CACNA1A: variants seen among roughly 807,000 people sequenced by gnomAD.
CACNA1A encodes voltage-dependent P/Q-type calcium channel subunit alpha-1A.
In CACNA1A, 57 loss-of-function variants were observed where a neutral mutation model predicts 262.4. That is an observed-to-expected ratio of 0.22 (90% CI 0.18 to 0.27). The LOEUF (loss-of-function observed/expected upper bound fraction) is 0.27, where lower values mean the gene tolerates loss of function less well. Ranked by LOEUF, CACNA1A falls within the 10% of genes least tolerant of loss-of-function variation. The pLI is 1.00. For synonymous variants in CACNA1A, 1,431 were observed against 1,419.3 expected (o/e 1.01, Z -0.18); for missense variants, 2,526 against 3,562.8 (o/e 0.71, Z 7.41).
At chr19:13,427,504 C>T (rs1481668579) in intron 3 of CACNA1A, among the ~76,000 whole-genome samples, 2 of 127,066 alleles carry the variant, frequency 1.6e-5, no homozygotes, top group African/African-American at 6.3e-5. Flanking sequence ...AAAGAGTTCC[C>T]CCTATGAGCT....
At chr19:13,260,172 T>C (rs62108599) in intron 26 of CACNA1A, 33,727 of 157,434 alleles carry the variant, frequency 0.21, 3,943 homozygotes, top group African/African-American at 0.3. Flanking sequence ...TTTCAATAAA[T>C]AGCCATCAAG....
At chr19:13,233,806 C>G (rs1305116158) in intron 34 of CACNA1A, among the ~76,000 whole-genome samples, 2 of 152,216 alleles carry the variant, frequency 1.3e-5, no homozygotes, top group Admixed American at 1.3e-4. Context: ...CCCCTTTATT[C>G]TTGAATTTTA....
chr19:13,240,715 T>A (rs1185872500), intron 31 of CACNA1A, among the ~76,000 whole-genome samples: 1 of 149,300 alleles, frequency 6.7e-6, no homozygotes, highest in Admixed American at 6.7e-5. Context: ...GCATAGTGAC[T>A]GTGTGCAGTG....
chr19:13,212,833 C>A lies in CACNA1A; in HGVS notation c.5941-93G>T. ...CATTGCGACATCCCCAGTATACACA[C>A]ACACACACACACACACTCTCTCAGG... On this transcript the variant is annotated intron_variant, in intron 40 of 46. Coordinates refer to ENST00000360228, the MANE Select transcript of CACNA1A (RefSeq NM_001127222.2). This position sits in a 1 kb window ranked among gnomAD's most constrained non-coding sequence, Gnocchi z 5.6. 1.7e-6 allele frequency: 1 copy of A among 573,616 alleles called. No homozygotes were observed. The highest frequency in any genetic ancestry group is 3.1e-6 in the Non-Finnish European group (1 of 326,216). 35.5% of individuals were successfully genotyped at this position (573,616 alleles called of 1,614,324 possible).
chr19:13,320,217 A>G, intron 10 of CACNA1A, among the ~76,000 whole-genome samples: 1 of 145,116 alleles, frequency 6.9e-6, no homozygotes, highest in Non-Finnish European at 1.5e-5. Context: ...CTTGGGGGAC[A>G]GGGGGGATGT....
intron 3 of CACNA1A, among the ~76,000 whole-genome samples, chr19:13,393,800 T>C (rs1599358102): frequency 1.3e-5 from 1 of 75,624 alleles, no homozygotes; most frequent in African/African-American, 4.6e-5. Context: ...CTTCCTTCCC[T>C]CCCTCCTTCC....
chr19:13,352,997 T>C (rs1173847472), intron 6 of CACNA1A, among the ~76,000 whole-genome samples: 1 of 152,178 alleles, frequency 6.6e-6, no homozygotes, highest in Non-Finnish European at 1.5e-5. Flanking sequence ...GGTCTCAAAC[T>C]CCTGACCTCA....
chr19:13,432,976 T>C (rs535728671), intron 3 of CACNA1A, among the ~76,000 whole-genome samples: 7 of 151,568 alleles, frequency 4.6e-5, no homozygotes, highest in African/African-American at 1.7e-4. Flanking sequence ...TTGGGCAACA[T>C]AGCAAGACCC....
At chr19:13,388,076 T>A (rs900825897) in intron 3 of CACNA1A, among the ~76,000 whole-genome samples, 1 of 151,886 alleles carries the variant, frequency 6.6e-6, no homozygotes, top group African/African-American at 2.4e-5. Context: ...AGTACCTGCC[T>A]CTTACAGACT....
chr19:13,338,679 G>C (rs2058620126), intron 6 of CACNA1A, among the ~76,000 whole-genome samples: 1 of 152,142 alleles, frequency 6.6e-6, no homozygotes, highest in Admixed American at 6.5e-5. Context: ...TCAAAGTCCT[G>C]GTAGGGGTAC....
intron 24 of CACNA1A, among the ~76,000 whole-genome samples, chr19:13,267,323 C>T (rs1425014098): frequency 6.6e-6 from 1 of 152,172 alleles, no homozygotes; most frequent in African/African-American, 2.4e-5. Flanking sequence ...GTTGGGGGAG[C>T]CTCAGGCTCA....
At chr19:13,393,375 C>T (rs1341258019) in intron 3 of CACNA1A, among the ~76,000 whole-genome samples, 2 of 152,122 alleles carry the variant, frequency 1.3e-5, no homozygotes, top group African/African-American at 2.4e-5. Context: ...GCTGTATGAC[C>T]CCATGTGCTT....
chr19:13,240,038 G>A (rs1049270241), intron 31 of CACNA1A, among the ~76,000 whole-genome samples: 2 of 151,768 alleles, frequency 1.3e-5, no homozygotes, highest in Non-Finnish European at 2.9e-5. Context: ...GTAATCCCAG[G>A]TACTCAGGAG....
At chr19:13,491,372 CCA>C (rs887073858) in intron 1 of CACNA1A, among the ~76,000 whole-genome samples, 9 of 152,122 alleles carry the variant, frequency 5.9e-5, no homozygotes, top group African/African-American at 2.2e-4. Flanking sequence ...CATAAGCTCC[CCA>C]CAGAGAGGAG....
chr19:13,445,937 T>C (rs1347284368), intron 3 of CACNA1A, among the ~76,000 whole-genome samples: 2 of 152,162 alleles, frequency 1.3e-5, no homozygotes, highest in African/African-American at 2.4e-5. Flanking sequence ...GTTTTAACGC[T>C]GTGGTTTGCT....
intron 10 of CACNA1A, 23 bp from the exon 11 acceptor site, chr19:13,317,344 T>A: frequency 6.3e-7 from 1 of 1,580,418 alleles, no homozygotes; most frequent in Non-Finnish European, 8.7e-7. Context: ...AGATGGAGAA[T>A]GTCAGGCTCA....
intron 17 of CACNA1A, among the ~76,000 whole-genome samples, chr19:13,302,697 G>A (rs1322496801): frequency 3.3e-5 from 5 of 152,218 alleles, no homozygotes; most frequent in African/African-American, 9.7e-5. Context: ...ATCAGCCCTC[G>A]GCTCAGCCAT....
At chr19:13,283,874 A>T (rs1422491309) in intron 21 of CACNA1A, 7 of 153,278 alleles carry the variant, frequency 4.6e-5, no homozygotes, top group Admixed American at 4.5e-4. Context: ...AATAGCCGTA[A>T]TACTAGTGCT....
chr19:13,437,179 G>C (rs2060626879), intron 3 of CACNA1A, among the ~76,000 whole-genome samples: 1 of 152,220 alleles, frequency 6.6e-6, no homozygotes, highest in Non-Finnish European at 1.5e-5. Context: ...AAATTTGACA[G>C]TGGACAGAAG....
Sources: allele counts gnomAD v4.1 joint callset (sites outside exome capture counted in the v4.1 genomes callset), GRCh38; gene constraint gnomAD v4.1.1; non-coding constraint Gnocchi (gnomAD v3.1); transcripts MANE v1.5; gene names NCBI Gene and HGNC (gene_info 2026-07-23, HGNC 2026-07-21).